Variants in PHACTR1 observed in about 807,000 individuals in gnomAD.
PHACTR1 encodes the protein phosphatase and actin regulator 1.
Under a neutral mutation model 69.2 loss-of-function variants are expected in PHACTR1, and 16 were observed. The ratio of observed to expected loss-of-function variants is 0.23; its 90% CI spans 0.16 to 0.35. PHACTR1 has a LOEUF of 0.35. Among genes scored for constraint, PHACTR1 ranks in the 10% least tolerant of loss-of-function variants. The pLI is 1.00. For synonymous variants in PHACTR1, 312 were observed against 284.5 expected (o/e 1.10, Z -0.97); for missense variants, 510 against 734.7 (o/e 0.69, Z 3.54).
intron 4 of PHACTR1, among the ~76,000 whole-genome samples, chr6:12,996,882 A>G (rs1562109818): frequency 6.6e-6 from 1 of 152,182 alleles, no homozygotes; most frequent in Admixed American, 6.5e-5. Context: ...TTATAAATGT[A>G]TGGCCGGGTG....
chr6:12,885,258 T>C lies in PHACTR1; in HGVS notation c.250+135468T>C, dbSNP rs892938558. Among the ~76,000 whole-genome samples the C allele has an allele frequency of 3.3e-5, 5 of 152,184 alleles. No individual in the cohort carries two copies. The South Asian group carries it at 8.3e-4, about 25-fold the overall frequency. On this transcript the variant is annotated intron_variant, in intron 4 of 14. Coordinates refer to ENST00000332995, the MANE Select transcript of PHACTR1 (RefSeq NM_030948.6). ...ATCCAGCTCCAGAGTGGCCTTTCCA[T>C]GTGCATCTGGTACTGTTTGAGAAAA...
rs201340762 is a variant in PHACTR1, at chr6:13,135,660, AAGAC to A, written c.416-24536_416-24533del. On this transcript the variant is annotated intron_variant, in intron 5 of 14. Coordinates refer to ENST00000332995, the MANE Select transcript of PHACTR1 (RefSeq NM_030948.6). ...TCAGTAAAGACAATATATAGAGACAAAGACAGACAGAGATAAAGACAGAAAGAGA... is the reference window on the plus strand; with the variant it reads ...TCAGTAAAGACAATATATAGAGACAAAGACAGAGATAAAGACAGAAAGAGA... Among the ~76,000 whole-genome samples, 969 of 152,286 alleles carry A rather than the reference AAGAC, an allele frequency of 6.4e-3. 6 individuals are homozygous for A. The highest frequency in any genetic ancestry group is 0.022 in the African/African-American group (919 of 41,544).
chr6:12,982,126 T>C (rs879438449), intron 4 of PHACTR1, among the ~76,000 whole-genome samples: 2 of 152,216 alleles, frequency 1.3e-5, no homozygotes, highest in Non-Finnish European at 2.9e-5. Flanking sequence ...AGGTAAATTG[T>C]AAGGTTGCTT....
chr6:13,011,136 C>T (rs1242741624), intron 4 of PHACTR1, among the ~76,000 whole-genome samples: 1 of 152,176 alleles, frequency 6.6e-6, no homozygotes, highest in Non-Finnish European at 1.5e-5. Flanking sequence ...CACTAAAATG[C>T]ACACATCTGC....
chr6:12,947,091 G>A (rs1790761048), intron 4 of PHACTR1, among the ~76,000 whole-genome samples: 1 of 151,632 alleles, frequency 6.6e-6, no homozygotes, highest in Non-Finnish European at 1.5e-5. Flanking sequence ...GATTACAGGC[G>A]TGAGGTATGC....
At chr6:12,750,091 C>T (rs1766406880) in intron 4 of PHACTR1, among the ~76,000 whole-genome samples, 1 of 152,240 alleles carries the variant, frequency 6.6e-6, no homozygotes, top group East Asian at 2.0e-4. Flanking sequence ...GGGCCGCGCG[C>T]CCATGCGCAG....
chr6:13,008,408 A>G (rs1233242607), intron 4 of PHACTR1, among the ~76,000 whole-genome samples: 4 of 152,224 alleles, frequency 2.6e-5, no homozygotes, highest in Non-Finnish European at 4.4e-5. Flanking sequence ...GGCCCTGAAT[A>G]TGACCTCCAC....
intron 8 of PHACTR1, among the ~76,000 whole-genome samples, chr6:13,212,318 T>G (rs1185092412): frequency 6.6e-6 from 1 of 152,190 alleles, no homozygotes; most frequent in Non-Finnish European, 1.5e-5. Context: ...TCCAACTCAC[T>G]AAGAGTAAAA....
intron 4 of PHACTR1, among the ~76,000 whole-genome samples, chr6:12,785,310 C>T (rs778827916): frequency 2.6e-5 from 4 of 152,104 alleles, no homozygotes; most frequent in Non-Finnish European, 5.9e-5. Context: ...GTATCCACCA[C>T]CGGTCCAATT....
intron 8 of PHACTR1, among the ~76,000 whole-genome samples, chr6:13,211,217 C>T (rs1411090425): frequency 6.6e-6 from 1 of 152,084 alleles, no homozygotes; most frequent in South Asian, 2.1e-4. Flanking sequence ...GTGCACCCAT[C>T]ACCCGAGCAG....
intron 4 of PHACTR1, among the ~76,000 whole-genome samples, chr6:12,932,101 A>T (rs532585599): frequency 3.9e-5 from 6 of 152,144 alleles, no homozygotes; most frequent in Non-Finnish European, 7.4e-5. Flanking sequence ...GATTATTCTG[A>T]TGCACATTCA....
chr6:13,047,509 T>C (rs1185772535), intron 4 of PHACTR1, among the ~76,000 whole-genome samples: 2 of 151,872 alleles, frequency 1.3e-5, no homozygotes, highest in Non-Finnish European at 2.9e-5. Flanking sequence ...ATATAACCCC[T>C]TCTAATTACA....
At chr6:13,182,310 G>A (rs1762279427) in intron 6 of PHACTR1, among the ~76,000 whole-genome samples, 2 of 152,162 alleles carry the variant, frequency 1.3e-5, no homozygotes, top group Non-Finnish European at 2.9e-5. Flanking sequence ...CAGGCAAAAT[G>A]CTGAAGATCA....
chr6:13,280,426 A>G (rs1779902642), intron 12 of PHACTR1: 1 of 155,910 alleles, frequency 6.4e-6, no homozygotes, highest in Non-Finnish European at 1.4e-5. Context: ...TTTTGCGGGC[A>G]GAGATGTGGC....
chr6:12,805,350 C>T (rs6909834), intron 4 of PHACTR1, among the ~76,000 whole-genome samples: 56,559 of 152,016 alleles, frequency 0.37, 11,328 homozygotes, highest in African/African-American at 0.5. Flanking sequence ...TGTCAGTCCC[C>T]TATCTCACTT....
intron 3 of PHACTR1, among the ~76,000 whole-genome samples, chr6:12,731,013 T>TATTTATTG (rs1763451976): frequency 6.7e-6 from 1 of 150,342 alleles, no homozygotes; most frequent in East Asian, 1.9e-4. Flanking sequence ...TTTATTTATT[T>TATTTATTG]ATTTATTTAT....
chr6:13,219,821 A>G (rs906569843), intron 8 of PHACTR1, among the ~76,000 whole-genome samples: 3 of 152,246 alleles, frequency 2.0e-5, no homozygotes, highest in Non-Finnish European at 4.4e-5. Context: ...AATTTGCGGT[A>G]TAAATTGCAT....
intron 4 of PHACTR1, among the ~76,000 whole-genome samples, chr6:12,819,646 G>A (rs1035603249): frequency 6.6e-6 from 1 of 152,078 alleles, no homozygotes; most frequent in African/African-American, 2.4e-5. Flanking sequence ...ATGAAATTGT[G>A]TTTGGGAAAG....
At chr6:12,767,464 G>C (rs1030463951) in intron 4 of PHACTR1, among the ~76,000 whole-genome samples, 2 of 152,208 alleles carry the variant, frequency 1.3e-5, no homozygotes, top group Non-Finnish European at 2.9e-5. Flanking sequence ...TCATTCATTT[G>C]CTTTCCAAAT....
Sources: allele counts gnomAD v4.1 joint callset (sites outside exome capture counted in the v4.1 genomes callset), GRCh38; gene constraint gnomAD v4.1.1; transcripts MANE v1.5; gene names NCBI Gene and HGNC (gene_info 2026-07-23, HGNC 2026-07-21).